Variants in FMN1 observed in about 807,000 individuals in gnomAD.
The protein encoded by FMN1 is formin-1.
In FMN1, 110 loss-of-function variants were observed where a neutral mutation model predicts 132.4. The observed-to-expected ratio is 0.83, with a 90% CI of 0.71 to 0.97. The LOEUF is 0.97. FMN1 is among the 50% of genes least tolerant of loss of function. FMN1 has a pLI of 0.00. For missense variants in FMN1, 1,792 were observed against 1,705.3 expected (o/e 1.05, Z -0.90); for synonymous variants, 722 against 651.7 (o/e 1.11, Z -1.64).
chr15:32,832,670 T>C (rs894370010), intron 17 of FMN1, among the ~76,000 whole-genome samples: 2 of 151,956 alleles, frequency 1.3e-5, no homozygotes, highest in African/African-American at 4.8e-5. Flanking sequence ...CCCAGCTACT[T>C]GGGAGACTGA....
intron 14 of FMN1, among the ~76,000 whole-genome samples, chr15:32,899,324 C>T (rs530448534): frequency 6.6e-6 from 1 of 152,270 alleles, no homozygotes; most frequent in African/African-American, 2.4e-5. Flanking sequence ...AAAGGAGCAC[C>T]ACACCACTTT....
At chr15:32,888,996 A>G (rs1424053431) in intron 15 of FMN1, among the ~76,000 whole-genome samples, 3 of 151,922 alleles carry the variant, frequency 2.0e-5, no homozygotes, top group Non-Finnish European at 4.4e-5. Flanking sequence ...CTGGGACCAC[A>G]GGTACGTGCC....
intron 7 of FMN1, among the ~76,000 whole-genome samples, chr15:32,989,330 T>A (rs542282045): frequency 2.9e-4 from 44 of 152,306 alleles, no homozygotes; most frequent in African/African-American, 1.0e-3. Flanking sequence ...AGTGCCTAAG[T>A]CAATTCAAAA....
chr15:32,888,080 CCA>C, intron 16 of FMN1, 90 bp downstream of exon 16: 1 of 1,122,580 alleles, frequency 8.9e-7, no homozygotes. Context: ...TGCACCAATC[CCA>C]CTCTATGAAC....
At chr15:33,151,564 G>A (rs1169424441) in intron 4 of FMN1, among the ~76,000 whole-genome samples, 1 of 152,130 alleles carries the variant, frequency 6.6e-6, no homozygotes, top group African/African-American at 2.4e-5. Context: ...AATAGAAAAA[G>A]GGCAAAATAA....
intron 6 of FMN1, among the ~76,000 whole-genome samples, chr15:33,042,669 C>A (rs1324855953): frequency 6.6e-6 from 1 of 151,982 alleles, no homozygotes; most frequent in African/African-American, 2.4e-5. Flanking sequence ...GGTGTTGGGG[C>A]AACTGGTGAA....
Position 33,064,908 on chromosome 15 carries a change from A to G in FMN1, c.2161+49T>C, listed in dbSNP as rs1475180654. On this transcript the variant is annotated intron_variant, in intron 6 of 20. Coordinates refer to ENST00000616417, the MANE Select transcript of FMN1 (RefSeq NM_001277313.2). ...GTCAACTAAGCTAGAACTAAAAGCCATTGCAGGAAGAGATTCATTCCCGGG... is the reference window on the plus strand; with the variant it reads ...GTCAACTAAGCTAGAACTAAAAGCCGTTGCAGGAAGAGATTCATTCCCGGG... 3 of 1,304,542 alleles carry G rather than the reference A, an allele frequency of 2.3e-6. No homozygotes were observed. In the Admixed American group the frequency reaches 5.4e-5, roughly 24 times the overall value. The allele number at this position is 1,304,542 out of a possible 1,614,324, so 80.8% of individuals were successfully genotyped here. A position where few individuals can be genotyped will look rare whatever the true frequency, so the allele number is the denominator to read the frequency against.
chr15:32,885,752 G>T lies in FMN1; in HGVS notation c.3835+2420C>A, dbSNP rs563019311. 4.6e-5 allele frequency among the ~76,000 whole-genome samples: 7 copies of T among 151,836 alleles called. No homozygotes were observed. The East Asian group carries it at 1.4e-3, about 29-fold the overall frequency. Reference sequence around the variant, plus strand: ...ACTTCTACTTAAATCAGTGACATTAGTATGACCAATAACCATAGGTTAATT... The same window carrying T: ...ACTTCTACTTAAATCAGTGACATTATTATGACCAATAACCATAGGTTAATT... On this transcript the variant is annotated intron_variant, in intron 16 of 20. Coordinates refer to ENST00000616417, the MANE Select transcript of FMN1 (RefSeq NM_001277313.2).
intron 17 of FMN1, among the ~76,000 whole-genome samples, chr15:32,834,926 T>C (rs949338313): frequency 2.0e-5 from 3 of 152,182 alleles, no homozygotes; most frequent in Non-Finnish European, 2.9e-5. Context: ...ATGATAACAT[T>C]ATGACACCAA....
intron 16 of FMN1, among the ~76,000 whole-genome samples, chr15:32,867,672 T>G (rs918336887): frequency 1.3e-5 from 2 of 152,160 alleles, no homozygotes; most frequent in African/African-American, 4.8e-5. Flanking sequence ...TTTGTATTTT[T>G]AGTAGAGACG....
At chr15:33,048,757 G>T (rs2036833145) in intron 6 of FMN1, among the ~76,000 whole-genome samples, 1 of 151,954 alleles carries the variant, frequency 6.6e-6, no homozygotes, top group African/African-American at 2.4e-5. Flanking sequence ...GGCAGGCAAA[G>T]AGAGAGTTTG....
chr15:32,942,154 C>T (rs573149891), intron 9 of FMN1, among the ~76,000 whole-genome samples: 2 of 152,348 alleles, frequency 1.3e-5, no homozygotes, highest in East Asian at 1.9e-4. Context: ...CTAAGGGACT[C>T]TCCCAATGCC....
intron 17 of FMN1, among the ~76,000 whole-genome samples, chr15:32,810,720 A>G (rs2057847017): frequency 6.6e-6 from 1 of 152,208 alleles, no homozygotes; most frequent in Non-Finnish European, 1.5e-5. Context: ...CTTTTATGCC[A>G]AACGCAATTA....
intron 18 of FMN1, 24 bp from the exon 19 acceptor site, chr15:32,798,977 G>T (rs2057386591): frequency 6.2e-7 from 1 of 1,610,426 alleles, no homozygotes; most frequent in Admixed American, 1.7e-5. Context: ...GGGGGAAAAT[G>T]GAATGAGGTA....
chr15:32,922,901 A>G (rs2060867634), intron 10 of FMN1, among the ~76,000 whole-genome samples: 1 of 152,240 alleles, frequency 6.6e-6, no homozygotes, highest in South Asian at 2.1e-4. Context: ...ATGCCGAAAC[A>G]GAGTGATGGA....
At chr15:33,139,312 G>A (rs542098618) in intron 4 of FMN1, among the ~76,000 whole-genome samples, 1 of 152,290 alleles carries the variant, frequency 6.6e-6, no homozygotes, top group Middle Eastern at 3.4e-3. Context: ...AATAGCTGTT[G>A]TTGGCCGGGC....
At position 32,769,197 on chromosome 15, in the gene FMN1, C is replaced by T. The variant is rs553692128; in HGVS notation, c.*5113G>A. The T allele has an allele frequency of 6.6e-6, 1 of 152,322 alleles. No homozygotes were observed. The highest frequency in any genetic ancestry group is 2.1e-4 in the South Asian group (1 of 4,830). 9.4% of individuals were successfully genotyped at this position (152,322 alleles called of 1,614,324 possible). On this transcript the variant is annotated 3_prime_UTR_variant, in exon 21 of 21. Transcript: ENST00000616417. ...CTTCATGTTTCCAAGTTGTTAACTA[C>T]ACGTTTCCCAAATCCTAACTTTATA...
At chr15:33,001,212 G>C (rs1018780930) in intron 7 of FMN1, among the ~76,000 whole-genome samples, 25 of 152,294 alleles carry the variant, frequency 1.6e-4, no homozygotes, top group South Asian at 4.2e-4. Context: ...AAATCTGGGA[G>C]GCGGAGGTTG....
intron 4 of FMN1, among the ~76,000 whole-genome samples, chr15:33,141,321 C>T (rs1964000690): frequency 6.6e-6 from 1 of 152,116 alleles, no homozygotes; most frequent in African/African-American, 2.4e-5. Flanking sequence ...GATTTTTGTG[C>T]ATGGCATAAG....
Sources: gnomAD v4.1 joint callset for allele counts (sites outside exome capture counted in the v4.1 genomes callset) on GRCh38, gnomAD v4.1.1 for gene constraint, MANE v1.5 for transcripts, NCBI Gene and HGNC (gene_info 2026-07-23, HGNC 2026-07-21) for gene names.